The following SCHIP1 variants were observed in gnomAD, a reference collection of about 807,000 sequenced individuals.
SCHIP1 encodes the protein schwannomin interacting protein 1.
In SCHIP1, 8 loss-of-function variants were observed where a neutral mutation model predicts 29.7. The ratio of observed to expected loss-of-function variants is 0.27; its 90% CI spans 0.16 to 0.49. The LOEUF is 0.49. Among genes scored for constraint, SCHIP1 ranks in the 20% least tolerant of loss-of-function variants. SCHIP1 has a pLI of 0.99. For synonymous variants in SCHIP1, 76 were observed against 94.9 expected, an observed-to-expected ratio of 0.80 and a Z score of 1.16; for missense variants, 193 against 294.6, an observed-to-expected ratio of 0.66 and a Z score of 2.52.
chr3:159,292,626 A>T, the SCHIP1 span, among the ~76,000 whole-genome samples: 1 of 152,158 alleles, frequency 6.6e-6, no homozygotes, highest in African/African-American at 2.4e-5. Flanking sequence ...CCCTCATAAG[A>T]ATGTCATGAG....
the SCHIP1 span, among the ~76,000 whole-genome samples, chr3:159,705,244 G>A: frequency 7.5e-3 from 1,135 of 152,144 alleles, 26 homozygotes; most frequent in African/African-American, 0.026. Flanking sequence ...GATTACAGGC[G>A]TGAACCACGG....
At chr3:159,492,875 G>A in the SCHIP1 span, among the ~76,000 whole-genome samples, 1 of 152,294 alleles carries the variant, frequency 6.6e-6, no homozygotes, top group South Asian at 2.1e-4. Flanking sequence ...CCCACAAAGG[G>A]AAGCCCATCA....
rs115524592 is a variant in SCHIP1 at position 159,896,625 on chromosome 3, A to T, written c.684-98A>T. 1,082 of 1,211,772 alleles carry T rather than the reference A, an allele frequency of 8.9e-4. 7 individuals are homozygous for T. In the African/African-American group the frequency reaches 0.014, roughly 16 times the overall value. The allele number at this position is 1,211,772 out of a possible 1,614,324, so 75.1% of individuals were successfully genotyped here. On this transcript the variant is annotated intron_variant, in intron 6 of 6. Transcript: ENST00000445224. The stretch of plus-strand genomic sequence containing the variant: ...ATTCTAATCTATTTCACTGTCAGTA[A>T]CTCTGAACTTCAGTTTGCAGGATGC...
the SCHIP1 span, among the ~76,000 whole-genome samples, chr3:159,433,793 G>A: frequency 6.6e-6 from 1 of 152,064 alleles, no homozygotes; most frequent in African/African-American, 2.4e-5. Flanking sequence ...GAACTGCAAA[G>A]GTTAGCTTTT....
the SCHIP1 span, among the ~76,000 whole-genome samples, chr3:159,657,749 C>T: frequency 6.6e-6 from 1 of 152,172 alleles, no homozygotes; most frequent in South Asian, 2.1e-4. Context: ...CCATCAATGG[C>T]GGAGAAGCAA....
At chr3:159,705,633 AG>A in the SCHIP1 span, among the ~76,000 whole-genome samples, 3 of 152,212 alleles carry the variant, frequency 2.0e-5, no homozygotes, top group Admixed American at 6.5e-5. Flanking sequence ...CAACATCAGA[AG>A]ACCATGCAGA....
chr3:159,864,228 A>G (rs1714361856), intron 1 of SCHIP1, among the ~76,000 whole-genome samples: 1 of 152,158 alleles, frequency 6.6e-6, no homozygotes, highest in Admixed American at 6.5e-5. Flanking sequence ...GGACCATCCC[A>G]AGTGCCAGCC....
chr3:159,406,046 G>A, the SCHIP1 span, among the ~76,000 whole-genome samples: 1 of 151,788 alleles, frequency 6.6e-6, no homozygotes, highest in Non-Finnish European at 1.5e-5. Flanking sequence ...GAGAGATGAA[G>A]TAGAAAGTTT....
the SCHIP1 span, among the ~76,000 whole-genome samples, chr3:159,447,868 T>A: frequency 6.6e-6 from 1 of 152,210 alleles, no homozygotes; most frequent in Non-Finnish European, 1.5e-5. Context: ...GCATTCATTT[T>A]AAAATATATA....
the SCHIP1 span, among the ~76,000 whole-genome samples, chr3:159,778,544 G>T: frequency 6.6e-6 from 1 of 152,020 alleles, no homozygotes; most frequent in South Asian, 2.1e-4. Flanking sequence ...AAATTAAAAA[G>T]GGTATACTAA....
At chr3:159,550,608 T>C in the SCHIP1 span, among the ~76,000 whole-genome samples, 1 of 152,166 alleles carries the variant, frequency 6.6e-6, no homozygotes, top group African/African-American at 2.4e-5. Flanking sequence ...TCCTTATATT[T>C]AAGTCTTTTT....
At chr3:159,532,661 T>C in the SCHIP1 span, among the ~76,000 whole-genome samples, 1 of 152,202 alleles carries the variant, frequency 6.6e-6, no homozygotes, top group Admixed American at 6.5e-5. Context: ...CTCTAGGCTT[T>C]CTTGGGGTGA....
At chr3:159,679,106 C>T in the SCHIP1 span, among the ~76,000 whole-genome samples, 3 of 152,102 alleles carry the variant, frequency 2.0e-5, no homozygotes, top group Non-Finnish European at 2.9e-5. Context: ...TCTCACAAAG[C>T]GTGACTTTAG....
chr3:159,654,317 C>T, the SCHIP1 span, among the ~76,000 whole-genome samples: 12 of 152,106 alleles, frequency 7.9e-5, no homozygotes, highest in African/African-American at 2.9e-4. Flanking sequence ...TCATTTTTCC[C>T]AACTCTCTAT....
chr3:159,471,603 C>T, the SCHIP1 span, among the ~76,000 whole-genome samples: 1 of 151,778 alleles, frequency 6.6e-6, no homozygotes, highest in African/African-American at 2.4e-5. Flanking sequence ...ATAAAATCCA[C>T]AGAGAAATAA....
At chr3:159,875,929 G>GAACAA (rs894361093) in intron 2 of SCHIP1, among the ~76,000 whole-genome samples, 7 of 151,992 alleles carry the variant, frequency 4.6e-5, no homozygotes, top group Admixed American at 2.0e-4. Flanking sequence ...CCTGTCTCTA[G>GAACAA]AACAAAACAA....
the SCHIP1 span, among the ~76,000 whole-genome samples, chr3:159,429,975 T>A: frequency 2.6e-5 from 4 of 152,206 alleles, no homozygotes; most frequent in Admixed American, 6.5e-5. Flanking sequence ...GAAAAATTGC[T>A]AAATGTTTCT....
chr3:159,408,139 A>C, the SCHIP1 span, among the ~76,000 whole-genome samples: 1 of 152,102 alleles, frequency 6.6e-6, no homozygotes, highest in Non-Finnish European at 1.5e-5. Flanking sequence ...TCTACTAAAA[A>C]TACAAAAAAT....
chr3:159,525,649 G>T, the SCHIP1 span, among the ~76,000 whole-genome samples: 1 of 152,210 alleles, frequency 6.6e-6, no homozygotes, highest in Admixed American at 6.5e-5. Flanking sequence ...AGGAGAAGAT[G>T]CTGGAGAGAA....
Sources: gnomAD v4.1 joint callset for allele counts (sites outside exome capture counted in the v4.1 genomes callset) on GRCh38, gnomAD v4.1.1 for gene constraint, MANE v1.5 for transcripts, NCBI Gene and HGNC (gene_info 2026-07-23, HGNC 2026-07-21) for gene names.